VAV2: variants seen among roughly 807,000 people sequenced by gnomAD.
VAV2 encodes vav guanine nucleotide exchange factor 2.
A neutral mutation model predicts 132.5 loss-of-function variants in VAV2; 67 were observed. The ratio of observed to expected loss-of-function variants is 0.51; its 90% CI spans 0.42 to 0.62. The LOEUF is 0.62. Ranked by LOEUF, VAV2 falls within the 20% of genes least tolerant of loss-of-function variation. The probability of loss-of-function intolerance (pLI) is 0.00; values close to 1 mark genes in which losing one functional copy is unlikely to be tolerated. For missense variants in VAV2, 938 were observed against 1,153.6 expected, an observed-to-expected ratio of 0.81 and a Z score of 2.71; for synonymous variants, 492 against 443.5, an observed-to-expected ratio of 1.11 and a Z score of -1.37.
chr9:133,878,560 CCCTCCTGCAGATGCAAG>C (rs1368451412), intron 2 of VAV2, among the ~76,000 whole-genome samples: 22 of 152,142 alleles, frequency 1.4e-4, no homozygotes, highest in Non-Finnish European at 1.5e-5. Context: ...TCGTTGCTGC[CCCTCCTGCAGATGCAAG>C]CCCCCACCTC....
intron 4 of VAV2, among the ~76,000 whole-genome samples, chr9:133,819,168 A>G (rs1247978190): frequency 1.3e-5 from 2 of 150,344 alleles, no homozygotes; most frequent in African/African-American, 4.9e-5. Context: ...CGAGGTTAAA[A>G]GTGAGCAACC....
chr9:133,808,260 C>T (rs879513768), intron 7 of VAV2, among the ~76,000 whole-genome samples: 1 of 152,186 alleles, frequency 6.6e-6, no homozygotes, highest in Non-Finnish European at 1.5e-5. Context: ...AGGCCGCTGG[C>T]CAAGGACCAG....
chr9:133,836,810 A>G (rs1316388041), intron 3 of VAV2, among the ~76,000 whole-genome samples: 8 of 152,148 alleles, frequency 5.3e-5, no homozygotes, highest in Admixed American at 5.2e-4. Flanking sequence ...TTGTAAGGAA[A>G]CCCACCCTAA....
chr9:133,824,008 G>T lies in VAV2; in HGVS notation c.449+10264C>A, dbSNP rs1317444180. Among the ~76,000 whole-genome samples, 2 of 152,106 alleles carry T rather than the reference G, an allele frequency of 1.3e-5. No homozygotes were observed. Among genetic ancestry groups the T allele is most frequent in the Non-Finnish European group, 2.9e-5 (2 of 68,014 alleles). ...GGGGGTGGGGGAGCAGGGTTTCGAG[G>T]TCACTGAAGCCCCCAGCCACGTGGC... is the stretch of plus-strand genomic sequence containing the variant. On this transcript the variant is annotated intron_variant, in intron 4 of 29. Transcript: ENST00000371850. The surrounding 1 kb of genome is among the most constrained non-coding windows in gnomAD (Gnocchi z 5.2).
chr9:133,847,263 G>A (rs1196915313), intron 3 of VAV2, among the ~76,000 whole-genome samples: 1 of 152,202 alleles, frequency 6.6e-6, no homozygotes, highest in Non-Finnish European at 1.5e-5. Context: ...GGGTGCTCAG[G>A]GAAGGGAGGA....
chr9:133,788,365 C>T lies in VAV2; in HGVS notation c.1396G>A (p.Asp466Asn). ...KMTDDPMNNK[D>N]VKKSHGKMWS... Reference sequence around the variant, plus strand: ...CCGGAAGGCCCCACCTTCTTGACGTCCTTGTTGTTCATGGGGTCGTCGGTC... The same window carrying T: ...CCGGAAGGCCCCACCTTCTTGACGTTCTTGTTGTTCATGGGGTCGTCGGTC... The change falls in exon 15 of 30, where the codon GAC (aspartate) becomes AAC (asparagine). Residue 466 changes from aspartate to asparagine, a missense_variant. Physicochemically the swap from Asp to Asn is conservative, Grantham distance 23 (BLOSUM62 1). Coordinates refer to ENST00000371850, the MANE Select transcript of VAV2 (RefSeq NM_001134398.2). The surrounding 1 kb of genome is among the most constrained non-coding windows in gnomAD (Gnocchi z 5.3). 1 of 1,608,434 alleles carries T rather than the reference C, an allele frequency of 6.2e-7. No individual in the cohort carries two copies. Among genetic ancestry groups the T allele is most frequent in the Non-Finnish European group, 8.5e-7 (1 of 1,175,272 alleles).
intron 2 of VAV2, among the ~76,000 whole-genome samples, chr9:133,936,867 G>A (rs1330806663): frequency 6.6e-6 from 1 of 152,196 alleles, no homozygotes; most frequent in East Asian, 1.9e-4. Context: ...GGAGACCAGA[G>A]GCCAGCATGA....
chr9:133,901,309 G>C (rs543633412), intron 2 of VAV2, among the ~76,000 whole-genome samples: 47 of 152,256 alleles, frequency 3.1e-4, no homozygotes, highest in African/African-American at 5.5e-4. Flanking sequence ...TCCTCAGATC[G>C]TCTCCTCCCG....
At chr9:133,895,897 C>T (rs543800661) in intron 2 of VAV2, among the ~76,000 whole-genome samples, 43 of 150,766 alleles carry the variant, frequency 2.9e-4, no homozygotes, top group Non-Finnish European at 5.9e-4. Context: ...GTCTGGTTCT[C>T]GGCCTTCTTA....
chr9:133,870,036 G>T (rs72762870), intron 2 of VAV2, among the ~76,000 whole-genome samples: 24,557 of 151,920 alleles, frequency 0.16, 2,454 homozygotes, highest in African/African-American at 0.29. Flanking sequence ...GGAAAGCACG[G>T]ACAGAAAAAT....
At chr9:133,812,380 C>T (rs983535107) in intron 4 of VAV2, among the ~76,000 whole-genome samples, 164 bp from the exon 5 acceptor site, 4 of 152,230 alleles carry the variant, frequency 2.6e-5, no homozygotes, top group African/African-American at 7.2e-5. Flanking sequence ...GCCTGCAGGG[C>T]GTCTGTGGGT....
At chr9:133,986,506 G>C (rs1014397116) in intron 1 of VAV2, among the ~76,000 whole-genome samples, 1 of 152,172 alleles carries the variant, frequency 6.6e-6, no homozygotes, top group Non-Finnish European at 1.5e-5. Flanking sequence ...CTGTTGGCTG[G>C]ATGGAGACGG....
Position 133,840,019 on chromosome 9 carries a change from G to C in VAV2, c.381-5679C>G, listed in dbSNP as rs2131805591. Among the ~76,000 whole-genome samples, 1 of 152,162 alleles carries C rather than the reference G, an allele frequency of 6.6e-6. No individual in the cohort carries two copies. Among genetic ancestry groups the C allele is most frequent in the East Asian group, 1.9e-4 (1 of 5,142 alleles). On this transcript the variant is annotated intron_variant, in intron 3 of 29. Transcript: ENST00000371850. This position sits in a 1 kb window ranked among gnomAD's most constrained non-coding sequence, Gnocchi z 4.5. ...CCCCCGAGGCCATCTTCAGGCACCA[G>C]CTGATTTTCCTTCCCGCACTTACCC...
Position 133,763,819 on chromosome 9 carries a change from C to T in VAV2, c.*243G>A. On this transcript the variant is annotated 3_prime_UTR_variant, in exon 30 of 30. Coordinates refer to ENST00000371850, the MANE Select transcript of VAV2 (RefSeq NM_001134398.2). This position sits in a 1 kb window ranked among gnomAD's most constrained non-coding sequence, Gnocchi z 6.8. ...CTGTCGGTGCCCCCTCCTCTGCGCT[C>T]TGGGTGGGGCTAGCCCAGGTTTCCT... The T allele has an allele frequency of 1.9e-6, 1 of 532,534 alleles. No individual in the cohort carries two copies. The highest frequency in any genetic ancestry group is 2.1e-5 in the South Asian group (1 of 47,086). The allele number at this position is 532,534 out of a possible 1,614,324, so 33.0% of individuals were successfully genotyped here. A position where few individuals can be genotyped will look rare whatever the true frequency, so the allele number is the denominator to read the frequency against.
At chr9:133,990,337 C>A (rs1021265274) in intron 1 of VAV2, among the ~76,000 whole-genome samples, 9 of 152,164 alleles carry the variant, frequency 5.9e-5, no homozygotes, top group African/African-American at 2.2e-4. Context: ...TGCTGCCTGG[C>A]CAATGGCTCC....
At chr9:133,959,757 AGACAGAAGAG>A (rs1388652112) in intron 1 of VAV2, among the ~76,000 whole-genome samples, 1 of 152,172 alleles carries the variant, frequency 6.6e-6, no homozygotes, top group East Asian at 1.9e-4. Flanking sequence ...TCCTCTTAAG[AGACAGAAGAG>A]GAGAGAGGCA....
Position 133,857,785 on chromosome 9 carries a change from G to A in VAV2, c.380+3589C>T, listed in dbSNP as rs964002566. ...CTGTCTCCTGAGCTCCCGGGTGAGC[G>A]TGTGAACCAGTGGAGGTCTGCGCTC... On this transcript the variant is annotated intron_variant, in intron 3 of 29. Coordinates refer to ENST00000371850, the MANE Select transcript of VAV2 (RefSeq NM_001134398.2). This position sits in a 1 kb window ranked among gnomAD's most constrained non-coding sequence, Gnocchi z 4.0. Among the ~76,000 whole-genome samples the A allele has an allele frequency of 2.6e-5, 4 of 152,172 alleles. No homozygotes were observed. Among genetic ancestry groups the A allele is most frequent in the Admixed American group, 1.3e-4 (2 of 15,286 alleles).
In VAV2 at chr9:133,788,366, CTTG is replaced by C; in HGVS notation, c.1392_1394del (p.Asn464del). The C allele has an allele frequency of 6.2e-7, 1 of 1,608,474 alleles. No individual in the cohort carries two copies. Among genetic ancestry groups the C allele is most frequent in the Non-Finnish European group, 8.5e-7 (1 of 1,175,278 alleles). On this transcript the variant is annotated inframe_deletion, in exon 15 of 30. Transcript: ENST00000371850. The surrounding 1 kb of genome is among the most constrained non-coding windows in gnomAD (Gnocchi z 5.3). ...CGGAAGGCCCCACCTTCTTGACGTC[CTTG>C]TTGTTCATGGGGTCGTCGGTCATCT...
At chr9:133,948,530 C>T (rs367753740) in intron 1 of VAV2, among the ~76,000 whole-genome samples, 7 of 152,182 alleles carry the variant, frequency 4.6e-5, no homozygotes, top group Non-Finnish European at 8.8e-5. Context: ...GCAGGCGGCC[C>T]GCGTGCCCTC....
Sources: allele counts gnomAD v4.1 joint callset (sites outside exome capture counted in the v4.1 genomes callset), GRCh38; gene constraint gnomAD v4.1.1; non-coding constraint Gnocchi (gnomAD v3.1); transcripts MANE v1.5; gene names NCBI Gene and HGNC (gene_info 2026-07-23, HGNC 2026-07-21).